Variants in CUBN observed in about 807,000 individuals in gnomAD.
The protein encoded by CUBN is cubilin.
CUBN carries 282 observed loss-of-function variants against 405.3 expected under a neutral mutation model. That is an observed-to-expected ratio of 0.70 (90% CI 0.63 to 0.77). The LOEUF (loss-of-function observed/expected upper bound fraction) is 0.77, where lower values mean the gene tolerates loss of function less well. Among genes scored for constraint, CUBN ranks in the 30% least tolerant of loss-of-function variants. The probability of loss-of-function intolerance (pLI) is 0.00; values close to 1 mark genes in which losing one functional copy is unlikely to be tolerated. For missense variants in CUBN, 4,514 were observed against 4,475.2 expected, an observed-to-expected ratio of 1.01 and a Z score of -0.25; for synonymous variants, 1,684 against 1,617.0, an observed-to-expected ratio of 1.04 and a Z score of -0.99.
intron 22 of CUBN, among the ~76,000 whole-genome samples, chr10:17,064,975 T>C (rs1835580501): frequency 6.6e-6 from 1 of 152,240 alleles, no homozygotes; most frequent in South Asian, 2.1e-4. Flanking sequence ...TTATTCTGTT[T>C]CTAATTTCTT....
chr10:16,934,707 T>C (rs1354858120), intron 39 of CUBN, among the ~76,000 whole-genome samples: 2 of 152,182 alleles, frequency 1.3e-5, no homozygotes, highest in African/African-American at 4.8e-5. Flanking sequence ...TTTTGGCCAA[T>C]GAACTATGAG....
chr10:16,826,644 C>T (rs1254812523), intron 66 of CUBN, among the ~76,000 whole-genome samples: 3 of 151,952 alleles, frequency 2.0e-5, no homozygotes, highest in African/African-American at 7.3e-5. Context: ...GGGAAAATAC[C>T]GTAAACACCA....
intron 31 of CUBN, among the ~76,000 whole-genome samples, chr10:16,955,542 AAAATTTGAAGCT>A (rs1478950579): frequency 6.6e-6 from 1 of 152,172 alleles, no homozygotes; most frequent in Non-Finnish European, 1.5e-5. Flanking sequence ...ATTGATTTGT[AAAATTTGAAGCT>A]TACTAATTTG....
intron 22 of CUBN, among the ~76,000 whole-genome samples, chr10:17,048,661 G>A (rs889196530): frequency 2.0e-5 from 3 of 152,054 alleles, no homozygotes; most frequent in South Asian, 2.1e-4. Flanking sequence ...CATTTTTAAT[G>A]TATTTCCAAT....
chr10:16,977,736 G>C (rs554967973), intron 31 of CUBN, among the ~76,000 whole-genome samples: 25 of 152,200 alleles, frequency 1.6e-4, no homozygotes, highest in Non-Finnish European at 3.4e-4. Context: ...GGCTCTGGGA[G>C]TTGTAGGCAC....
intron 28 of CUBN, among the ~76,000 whole-genome samples, chr10:17,008,266 T>G (rs369519338): frequency 7.0e-6 from 1 of 143,288 alleles, no homozygotes; most frequent in Non-Finnish European, 1.5e-5. Context: ...TGTGTGTGTG[T>G]GGTGTGTCTC....
At chr10:16,840,643 T>G in intron 61 of CUBN, 108 bp from the exon 62 acceptor site, 1 of 981,538 alleles carries the variant, frequency 1.0e-6, no homozygotes, top group Non-Finnish European at 1.6e-6. Context: ...GAGCTATATT[T>G]TCATTACTCT....
chr10:17,126,867 T>C, intron 3 of CUBN, 68 bp from the exon 4 acceptor site: 1 of 1,516,638 alleles, frequency 6.6e-7, no homozygotes. Context: ...TGTTATATCC[T>C]TGACATATTG....
chr10:16,879,378 T>C (rs1005909388), intron 56 of CUBN, among the ~76,000 whole-genome samples: 16 of 152,262 alleles, frequency 1.1e-4, no homozygotes, highest in African/African-American at 3.9e-4. Flanking sequence ...TTTTATTTCA[T>C]GGCGATGCTA....
In CUBN at chr10:16,869,681, A is replaced by G; in HGVS notation, c.9409T>C (p.Phe3137Leu). The G allele has an allele frequency of 6.2e-7, 1 of 1,614,078 alleles. No individual in the cohort carries two copies. Among genetic ancestry groups the G allele is most frequent in the Non-Finnish European group, 8.5e-7 (1 of 1,179,996 alleles). The change falls in exon 59 of 67, where the codon TTT (phenylalanine) becomes CTT (leucine). Residue 3137 changes from phenylalanine to leucine, a missense_variant. Coordinates refer to ENST00000377833, the MANE Select transcript of CUBN (RefSeq NM_001081.4). ...SMLLVFKTDS[F>L]QTAKGWKMSF... The stretch of plus-strand genomic sequence containing the variant: ...ATCTTCCAGCCTTTTGCTGTCTGAA[A>G]TGAATCTGTCTTGAACACCAGGAGC...
intron 6 of CUBN, among the ~76,000 whole-genome samples, chr10:17,121,428 C>G (rs1374630131): frequency 2.0e-5 from 3 of 151,426 alleles, no homozygotes; most frequent in Non-Finnish European, 4.4e-5. Flanking sequence ...CCATCATTCT[C>G]AGCAAACTAT....
At chr10:16,913,750 A>G (rs1031493354) in intron 48 of CUBN, 61 bp downstream of exon 48, 42 of 1,593,664 alleles carry the variant, frequency 2.6e-5, no homozygotes, top group Non-Finnish European at 3.3e-5. Flanking sequence ...ACTATGATTT[A>G]TGGGTCGGTA....
intron 56 of CUBN, 24 bp downstream of exon 56, chr10:16,888,393 A>G (rs1564404401): frequency 1.3e-6 from 2 of 1,596,198 alleles, no homozygotes; most frequent in Admixed American, 3.3e-5. Flanking sequence ...ATTAAACGTA[A>G]TTTTTTTAAA....
At chr10:16,933,364 A>T in intron 39 of CUBN, 80 bp from the exon 40 acceptor site, 1 of 1,289,318 alleles carries the variant, frequency 7.8e-7, no homozygotes, top group Non-Finnish European at 1.1e-6. Context: ...TGAAAGTGAC[A>T]GCCCTCTACT....
intron 17 of CUBN, among the ~76,000 whole-genome samples, chr10:17,077,116 A>G (rs1835869983): frequency 1.3e-5 from 2 of 152,210 alleles, no homozygotes. Context: ...TTTGCAAGGA[A>G]ACAACAAGAA....
chr10:16,917,610 T>C (rs1024656922), intron 45 of CUBN, among the ~76,000 whole-genome samples: 1 of 152,204 alleles, frequency 6.6e-6, no homozygotes, highest in Non-Finnish European at 1.5e-5. Context: ...CTGTATTTCA[T>C]AGTAAGCTGA....
chr10:16,993,477 C>T (rs1038891356), intron 28 of CUBN, among the ~76,000 whole-genome samples: 7 of 152,038 alleles, frequency 4.6e-5, no homozygotes, highest in African/African-American at 7.2e-5. Flanking sequence ...AATACAGATT[C>T]GGGGCATTCA....
At chr10:17,090,826 T>C (rs1352905143) in intron 14 of CUBN, among the ~76,000 whole-genome samples, 1 of 94,012 alleles carries the variant, frequency 1.1e-5, no homozygotes, top group Non-Finnish European at 2.4e-5. Flanking sequence ...AAATGTAAAG[T>C]AAAAAAAAAA....
At chr10:16,858,817 C>T (rs894026892) in intron 59 of CUBN, among the ~76,000 whole-genome samples, 8 of 152,156 alleles carry the variant, frequency 5.3e-5, no homozygotes, top group African/African-American at 1.9e-4. Context: ...CAGAAATAGA[C>T]CTATACAAAT....
Sources: gnomAD v4.1 joint callset for allele counts (sites outside exome capture counted in the v4.1 genomes callset) on GRCh38, gnomAD v4.1.1 for gene constraint, MANE v1.5 for transcripts, NCBI Gene and HGNC (gene_info 2026-07-23, HGNC 2026-07-21) for gene names.